ZFHX2: variants seen among roughly 807,000 people sequenced by gnomAD.
ZFHX2 encodes zinc finger homeobox 2.
Under a neutral mutation model 164.8 loss-of-function variants are expected in ZFHX2, and 75 were observed. The ratio of observed to expected loss-of-function variants is 0.46; its 90% CI spans 0.38 to 0.55. ZFHX2 has a LOEUF of 0.55. Ranked by LOEUF, ZFHX2 falls within the 20% of genes least tolerant of loss-of-function variation. ZFHX2 has a pLI of 0.00. For missense variants in ZFHX2, 2,933 were observed against 3,308.0 expected (o/e 0.89, Z 2.78); for synonymous variants, 1,217 against 1,351.4 (o/e 0.90, Z 2.18).
chr14:23,554,526 A>G (rs895242480), upstream of ZFHX2, among the ~76,000 whole-genome samples: 6 of 150,652 alleles, frequency 4.0e-5, no homozygotes, highest in African/African-American at 1.2e-4. Context: ...ACAGGCATGC[A>G]CTACCACACC....
intron 1 of ZFHX2, among the ~76,000 whole-genome samples, chr14:23,537,355 A>G (rs1007222367): frequency 2.0e-5 from 3 of 151,950 alleles, no homozygotes; most frequent in Non-Finnish European, 4.4e-5. Flanking sequence ...GTATTAGCAG[A>G]TCTCTAGTGA....
chr14:23,537,632 GT>G (rs569457063), intron 1 of ZFHX2, among the ~76,000 whole-genome samples: 79 of 152,314 alleles, frequency 5.2e-4, no homozygotes, highest in Middle Eastern at 3.4e-3. Context: ...TGGGAAAGGG[GT>G]GGAAGGGATG....
chr14:23,552,288 ATT>A (rs891218317), upstream of ZFHX2, among the ~76,000 whole-genome samples: 7 of 133,988 alleles, frequency 5.2e-5, no homozygotes, highest in Admixed American at 3.8e-4. Context: ...GTGCTCCTGA[ATT>A]TTTTTTTTTT....
At chr14:23,549,274 C>T (rs938475442) in intron 1 of ZFHX2, among the ~76,000 whole-genome samples, 2 of 152,154 alleles carry the variant, frequency 1.3e-5, no homozygotes, top group Non-Finnish European at 2.9e-5. Flanking sequence ...ACATCCCTCA[C>T]GTCATACATT....
intron 1 of ZFHX2, among the ~76,000 whole-genome samples, chr14:23,536,639 C>T (rs1023635489): frequency 4.6e-5 from 7 of 152,238 alleles, no homozygotes; most frequent in East Asian, 1.9e-4. Flanking sequence ...TTTAATCTCA[C>T]AGCAACCTTA....
chr14:23,542,406 CAG>C (rs1228446874), intron 1 of ZFHX2, among the ~76,000 whole-genome samples: 1 of 151,208 alleles, frequency 6.6e-6, no homozygotes, highest in Non-Finnish European at 1.5e-5. Flanking sequence ...AGGTGTGCTG[CAG>C]AGTGTCTGCT....
chr14:23,550,017 A>G (rs569557400), intron 1 of ZFHX2, among the ~76,000 whole-genome samples: 30 of 152,362 alleles, frequency 2.0e-4, no homozygotes, highest in Middle Eastern at 3.4e-3. Flanking sequence ...GTGAAGCAAA[A>G]TGGGGAAATA....
chr14:23,534,103 G>A lies in ZFHX2; in HGVS notation c.1223C>T (p.Ser408Phe). The A allele has an allele frequency of 6.7e-7, 1 of 1,495,090 alleles. No individual in the cohort carries two copies. Among genetic ancestry groups the A allele is most frequent in the African/African-American group, 1.4e-5 (1 of 72,290 alleles). The allele number at this position is 1,495,090 out of a possible 1,614,324, so 92.6% of individuals were successfully genotyped here. ...EGGTLPAPVG[S>F]PEDPSDPPQP... is the part of the protein sequence containing the mutation. The stretch of plus-strand genomic sequence containing the variant: ...GGGTGGGTCACTGGGGTCTTCGGGG[G>A]AGCCCACTGGGGCAGGGAGAGTGCC... Residue 408 changes from serine to phenylalanine, a missense_variant, in exon 2 of 10, where the codon TCC becomes TTC. By Grantham distance (155) the Ser-to-Phe change is radical. Coordinates refer to ENST00000419474, the MANE Select transcript of ZFHX2 (RefSeq NM_033400.3). The surrounding 1 kb of genome is among the most constrained non-coding windows in gnomAD (Gnocchi z 4.5).
At position 23,535,835 on chromosome 14, in the gene ZFHX2, G is replaced by T. The variant is rs964617264; in HGVS notation, c.-49-461C>A. ...TCTAACTCCCGACCTCAAGTGATCC[G>T]CCCACCTCGGCCTCCCAAAGTGCTA... is the stretch of plus-strand genomic sequence containing the variant. On this transcript the variant is annotated intron_variant, in intron 1 of 9. Transcript: ENST00000419474. This position sits in a 1 kb window ranked among gnomAD's most constrained non-coding sequence, Gnocchi z 4.5. Among the ~76,000 whole-genome samples, 7 of 152,046 alleles carry T rather than the reference G, an allele frequency of 4.6e-5. No individual in the cohort carries two copies. The highest frequency in any genetic ancestry group is 1.7e-4 in the African/African-American group (7 of 41,440).
In ZFHX2 at chr14:23,527,066, G is replaced by A. The variant is rs990015600; in HGVS notation, c.3136-93C>T. ...TCTGCCCTACACCTGTACTTGTGCC[G>A]AGATCCCTTGCCACAGATCCAGCCT... On this transcript the variant is annotated intron_variant, in intron 7 of 9. Transcript: ENST00000419474. The A allele has an allele frequency of 1.1e-5, 15 of 1,392,942 alleles. No individual in the cohort carries two copies. The African/African-American group carries it at 1.9e-4, about 18-fold the overall frequency. The allele number at this position is 1,392,942 out of a possible 1,614,324, so 86.3% of individuals were successfully genotyped here. A position where few individuals can be genotyped will look rare whatever the true frequency, so the allele number is the denominator to read the frequency against.
At chr14:23,540,838 G>A (rs1030564575) in intron 1 of ZFHX2, among the ~76,000 whole-genome samples, 7 of 152,232 alleles carry the variant, frequency 4.6e-5, no homozygotes, top group African/African-American at 1.2e-4. Context: ...CCTGTCTCCC[G>A]TCACAGAGTG....
intron 3 of ZFHX2, 71 bp from the exon 4 acceptor site, chr14:23,531,792 T>C: frequency 7.9e-7 from 1 of 1,270,744 alleles, no homozygotes; most frequent in Non-Finnish European, 9.9e-7. Context: ...TTTTTTTTTT[T>C]TTCTAGAGAG....
intron 6 of ZFHX2, chr14:23,528,728 A>G (rs2138725300): frequency 1.0e-6 from 1 of 985,314 alleles, no homozygotes; most frequent in African/African-American, 1.7e-5. Flanking sequence ...ATGTGAATAA[A>G]CACCACAGCT....
intron 1 of ZFHX2, chr14:23,543,221 C>G (rs756461787): frequency 2.6e-5 from 4 of 152,244 alleles, no homozygotes; most frequent in Non-Finnish European, 5.9e-5. Context: ...TATCACATCA[C>G]CTAATCCTCC....
chr14:23,539,125 C>G (rs1287902369), intron 1 of ZFHX2, among the ~76,000 whole-genome samples: 1 of 152,104 alleles, frequency 6.6e-6, no homozygotes, highest in Non-Finnish European at 1.5e-5. Flanking sequence ...ATCCTCCTCC[C>G]CTAATGCACT....
At chr14:23,548,514 G>A (rs1041478999) in intron 1 of ZFHX2, 2 of 152,220 alleles carry the variant, frequency 1.3e-5, no homozygotes, top group African/African-American at 2.4e-5. Flanking sequence ...CTGTCAGGTT[G>A]CCAAGGCAAT....
chr14:23,523,185 C>T lies in ZFHX2; in HGVS notation c.6739+18G>A, dbSNP rs1412886556. The T allele has an allele frequency of 3.5e-6, 5 of 1,413,008 alleles. No individual in the cohort carries two copies. The highest frequency in any genetic ancestry group is 5.2e-5 in the East Asian group (2 of 38,456). 87.5% of individuals were successfully genotyped at this position (1,413,008 alleles called of 1,614,324 possible). A position where few individuals can be genotyped will look rare whatever the true frequency, so the allele number is the denominator to read the frequency against. On this transcript the variant is annotated intron_variant, in intron 9 of 9. Transcript: ENST00000419474. This position sits in a 1 kb window ranked among gnomAD's most constrained non-coding sequence, Gnocchi z 4.1. ...GGATGTTCTCTGAAGTCCAGCTCCTCCCAGCCTCCCTACTCACCTGAATTG... is the reference window on the plus strand; with the variant it reads ...GGATGTTCTCTGAAGTCCAGCTCCTTCCAGCCTCCCTACTCACCTGAATTG...
In ZFHX2 at chr14:23,524,874, T is replaced by G. The variant is rs1050213828; in HGVS notation, c.5068A>C (p.Lys1690Gln). Residue 1690 changes from lysine (K) to glutamine (Q), a missense_variant, in exon 9 of 10, where the codon AAG (lysine) becomes CAG (glutamine). Physicochemically the swap from Lys to Gln is moderately conservative, Grantham distance 53. Coordinates refer to ENST00000419474, the MANE Select transcript of ZFHX2 (RefSeq NM_033400.3). This position sits in a 1 kb window ranked among gnomAD's most constrained non-coding sequence, Gnocchi z 5.6. Reference protein sequence around the residue: ...SCVFELVRHLKKCYDDQTLEE... With the variant: ...SCVFELVRHLQKCYDDQTLEE... ...AGGGTCTGGTCATCATAGCACTTCT[T>G]GAGGTGGCGCACCAACTCAAAAACA... is the stretch of plus-strand genomic sequence containing the variant. 2 of 1,536,370 alleles carry G rather than the reference T, an allele frequency of 1.3e-6. No individual in the cohort carries two copies. Among genetic ancestry groups the G allele is most frequent in the African/African-American group, 2.7e-5 (2 of 73,032 alleles).
At position 23,522,401 on chromosome 14, in the gene ZFHX2, C is replaced by G. The variant is rs1878118305; in HGVS notation, c.7280G>C (p.Gly2427Ala). 6.5e-7 allele frequency: 1 copy of G among 1,536,380 alleles called. No homozygotes were observed. The highest frequency in any genetic ancestry group is 8.7e-7 in the Non-Finnish European group (1 of 1,146,904). ...KPPELPAPGE[G>A]EAGEVDELLT... Reference sequence around the variant, plus strand: ...CAGCTCATCAACCTCACCAGCTTCCCCCTCCCCTGGAGCAGGCAGTTCAGG... The same window carrying G: ...CAGCTCATCAACCTCACCAGCTTCCGCCTCCCCTGGAGCAGGCAGTTCAGG... Residue 2427 changes from glycine to alanine, a missense_variant, in exon 10 of 10, where the codon GGG becomes GCG. By Grantham distance (60) the Gly-to-Ala change is moderately conservative. Transcript: ENST00000419474.
Sources: allele counts gnomAD v4.1 joint callset (sites outside exome capture counted in the v4.1 genomes callset), GRCh38; gene constraint gnomAD v4.1.1; non-coding constraint Gnocchi (gnomAD v3.1); transcripts MANE v1.5; gene names NCBI Gene and HGNC (gene_info 2026-07-23, HGNC 2026-07-21).